AMPD3: variants seen among roughly 807,000 people sequenced by gnomAD.
The protein encoded by AMPD3 is AMP deaminase 3.
In AMPD3, 57 loss-of-function variants were observed where a neutral mutation model predicts 82.3. The observed-to-expected ratio is 0.69, with a 90% confidence interval of 0.56 to 0.86. AMPD3 has a LOEUF of 0.86. Among genes scored for constraint, AMPD3 ranks in the 40% least tolerant of loss-of-function variants. AMPD3 has a pLI of 0.00. For synonymous variants in AMPD3, 381 were observed against 394.7 expected, an observed-to-expected ratio of 0.97 and a Z score of 0.41; for missense variants, 870 against 1,003.8, an observed-to-expected ratio of 0.87 and a Z score of 1.80.
chr11:10,451,154 T>G, upstream of AMPD3: 1 of 1,503,392 alleles, frequency 6.7e-7, no homozygotes, highest in Non-Finnish European at 8.8e-7. Flanking sequence ...CCGCCTTCCC[T>G]GCTCGCAGAG....
At chr11:10,461,388 G>C (rs1265876056) in intron 1 of AMPD3, 127 bp from the exon 2 acceptor site, 8 of 1,598,832 alleles carry the variant, frequency 5.0e-6, no homozygotes, top group Non-Finnish European at 6.8e-6. Flanking sequence ...GTTTGGTCTG[G>C]GGCATTCCTA....
At chr11:10,459,429 A>G (rs573307839) in intron 1 of AMPD3, among the ~76,000 whole-genome samples, 1 of 152,274 alleles carries the variant, frequency 6.6e-6, no homozygotes, top group East Asian at 1.9e-4. Context: ...GAGACCACTT[A>G]GTTCAATCCC....
rs961516247 is a variant in AMPD3, at chr11:10,455,421, G to A, written c.-33G>A. ...AGAGTCCAGCCAGCGCTCGGAGCTGGAGGCCCACGTGGGAGCAGTGAGCGG... is the reference window on the plus strand; with the variant it reads ...AGAGTCCAGCCAGCGCTCGGAGCTGAAGGCCCACGTGGGAGCAGTGAGCGG... On this transcript the variant is annotated 5_prime_UTR_variant, in exon 1 of 15. Transcript: ENST00000396553. The A allele has an allele frequency of 4.1e-6, 4 of 985,330 alleles. No individual in the cohort carries two copies. The African/African-American group carries it at 7.0e-5, about 17-fold the overall frequency. The allele number at this position is 985,330 out of a possible 1,614,324, so 61.0% of individuals were successfully genotyped here. A position where few individuals can be genotyped will look rare whatever the true frequency, so the allele number is the denominator to read the frequency against.
At chr11:10,500,687 C>T (rs780296171) in intron 11 of AMPD3, 24 of 985,424 alleles carry the variant, frequency 2.4e-5, no homozygotes, top group Non-Finnish European at 2.9e-5. Context: ...TTCAGCAAAT[C>T]ACTGCATCTG....
In AMPD3 at chr11:10,485,010, C is replaced by T. The variant is rs1591467973; in HGVS notation, c.780C>T (p.His260=). The T allele has an allele frequency of 6.2e-7, 1 of 1,613,948 alleles. No homozygotes were observed. Among genetic ancestry groups the T allele is most frequent in the East Asian group, 2.2e-5 (1 of 44,884 alleles). ...DLETYTVDMS[H]ILALITDGPT... is the part of the protein sequence containing the mutation. Reference sequence around the variant, plus strand: ...AGACCTACACGGTGGACATGAGCCACATCCTGGCTCTCATCACCGATGGCC... The same window carrying T: ...AGACCTACACGGTGGACATGAGCCATATCCTGGCTCTCATCACCGATGGCC... The change falls in exon 5 of 15, where the codon CAC becomes CAT. Residue 260 remains histidine, a synonymous_variant. Transcript: ENST00000396553.
At chr11:10,481,264 C>T (rs1591463605) in intron 3 of AMPD3, among the ~76,000 whole-genome samples, 2 of 152,174 alleles carry the variant, frequency 1.3e-5, no homozygotes, top group African/African-American at 4.8e-5. Flanking sequence ...GGCAAAGAAG[C>T]AGGCTGAGCA....
intron 6 of AMPD3, among the ~76,000 whole-genome samples, chr11:10,492,755 T>G (rs576847789): frequency 5.9e-5 from 9 of 152,304 alleles, no homozygotes; most frequent in Non-Finnish European, 1.0e-4. Context: ...GGGATGCCTG[T>G]GCCAGGTTTT....
At chr11:10,455,557 C>A in intron 1 of AMPD3, 109 bp downstream of exon 1, 2 of 539,714 alleles carry the variant, frequency 3.7e-6, no homozygotes, top group Non-Finnish European at 4.7e-6. Flanking sequence ...TCAGGCTTCG[C>A]AGTCACCTGT....
chr11:10,460,478 C>T (rs1848236565), intron 1 of AMPD3, among the ~76,000 whole-genome samples: 1 of 150,850 alleles, frequency 6.6e-6, no homozygotes, highest in South Asian at 2.1e-4. Context: ...TCAATCTTGG[C>T]TCATTGCAAC....
Position 10,505,751 on chromosome 11 carries a change from C to T in AMPD3, c.2171C>T (p.Pro724Leu). 1 of 1,614,108 alleles carries T rather than the reference C, an allele frequency of 6.2e-7. No homozygotes were observed. Among genetic ancestry groups the T allele is most frequent in the Non-Finnish European group, 8.5e-7 (1 of 1,180,032 alleles). Residue 724 changes from proline (P) to leucine (L), a missense_variant, in exon 15 of 15, where the codon CCT becomes CTT. Coordinates refer to ENST00000396553, the MANE Select transcript of AMPD3 (RefSeq NM_001025389.2). ...FLGQNYYKEG[P>L]EGNDIRKTNV... ...GGACAAAATTATTATAAAGAAGGAC[C>T]TGAAGGAAATGATATTCGAAAGACA...
In AMPD3 at chr11:10,496,191, A is replaced by G. The variant is rs1849394794; in HGVS notation, c.1430+458A>G. ...CAGCCTCCCAAAATGCTGGGATTAC[A>G]GGTGTGAGCCACTGCATCCAGCTGA... On this transcript the variant is annotated intron_variant, in intron 9 of 14. Coordinates refer to ENST00000396553, the MANE Select transcript of AMPD3 (RefSeq NM_001025389.2). The G allele has an allele frequency of 6.1e-6, 6 of 981,792 alleles. No individual in the cohort carries two copies. The South Asian group carries it at 2.4e-4, about 39-fold the overall frequency. 60.8% of individuals were successfully genotyped at this position (981,792 alleles called of 1,614,324 possible).
At chr11:10,477,148 C>T (rs551411086) in intron 2 of AMPD3, 1 of 980,306 alleles carries the variant, frequency 1.0e-6, no homozygotes, top group Admixed American at 6.1e-5. Flanking sequence ...AGAGCTGCTT[C>T]TGGGTAAGCC....
In AMPD3 at chr11:10,507,401, C is replaced by T. The variant is rs1849737994; in HGVS notation, c.*1517C>T. ...TTTACTAGGCAGATATATATGCTAT[C>T]TTACAGCTAATTATGAAATTGAATG... On this transcript the variant is annotated 3_prime_UTR_variant, in exon 15 of 15. Transcript: ENST00000396553. The T allele has an allele frequency of 6.6e-6, 1 of 151,780 alleles. No individual in the cohort carries two copies. Among genetic ancestry groups the T allele is most frequent in the Non-Finnish European group, 1.5e-5 (1 of 68,046 alleles). 9.4% of individuals were successfully genotyped at this position (151,780 alleles called of 1,614,324 possible).
intron 6 of AMPD3, among the ~76,000 whole-genome samples, chr11:10,493,073 A>G (rs761055673): frequency 2.6e-5 from 4 of 152,194 alleles, no homozygotes; most frequent in Admixed American, 1.3e-4. Flanking sequence ...ATGGGCCCAT[A>G]GGTCATTTGT....
At chr11:10,486,629 T>A (rs1467172738) in intron 5 of AMPD3, 4 of 985,274 alleles carry the variant, frequency 4.1e-6, no homozygotes, top group Non-Finnish European at 4.8e-6. Flanking sequence ...ATCCTCCTCT[T>A]GTCGTGAAGC....
intron 14 of AMPD3, 40 bp from the exon 15 acceptor site, chr11:10,505,668 A>G: frequency 6.2e-7 from 1 of 1,607,468 alleles, no homozygotes; most frequent in Non-Finnish European, 8.5e-7. Flanking sequence ...AAAGTGAATC[A>G]AAAGTATATA....
chr11:10,505,678 A>C, intron 14 of AMPD3, 30 bp from the exon 15 acceptor site: 2 of 1,610,492 alleles, frequency 1.2e-6, no homozygotes, highest in Non-Finnish European at 1.7e-6. Context: ...AAAAGTATAT[A>C]GTTTCATTTG....
At chr11:10,477,222 G>A (rs1848767227) in intron 2 of AMPD3, 1 of 527,080 alleles carries the variant, frequency 1.9e-6, no homozygotes, top group East Asian at 1.5e-4. Flanking sequence ...AGTACCTGGA[G>A]AGGAGGAGGG....
In AMPD3 at chr11:10,493,297, T is replaced by C. The variant is rs1284696429; in HGVS notation, c.940-52T>C. On this transcript the variant is annotated intron_variant, in intron 6 of 14. Coordinates refer to ENST00000396553, the MANE Select transcript of AMPD3 (RefSeq NM_001025389.2). ...ATTGAGGGTTGGATGTCTTAACTCTTGTTGCTAGGGGAGGTGGCCTGACTC... is the reference window on the plus strand; with the variant it reads ...ATTGAGGGTTGGATGTCTTAACTCTCGTTGCTAGGGGAGGTGGCCTGACTC... 72 of 1,605,940 alleles carry C rather than the reference T, an allele frequency of 4.5e-5. No homozygotes were observed. In the East Asian group the frequency reaches 1.6e-3, roughly 35 times the overall value.
Sources: allele counts gnomAD v4.1 joint callset (sites outside exome capture counted in the v4.1 genomes callset), GRCh38; gene constraint gnomAD v4.1.1; transcripts MANE v1.5; gene names NCBI Gene and HGNC (gene_info 2026-07-23, HGNC 2026-07-21).